Variants in TSFM observed in about 807,000 individuals in gnomAD.
The protein encoded by TSFM is elongation factor Ts, mitochondrial.
In TSFM, 29 loss-of-function variants were observed where a neutral mutation model predicts 33.4. That is an observed-to-expected ratio of 0.87 (90% CI 0.65 to 1.18). The LOEUF is 1.18. Ranked by LOEUF, TSFM falls within the 50% of genes most tolerant of loss-of-function variation. The pLI, the probability that TSFM is intolerant of heterozygous loss-of-function variation, is 0.00. For synonymous variants in TSFM, 178 were observed against 163.5 expected (o/e 1.09, Z -0.68); for missense variants, 394 against 395.6 (o/e 1.00, Z 0.04).
chr12:57,783,583 G>C, intron 2 of TSFM: 2 of 616,500 alleles, frequency 3.2e-6, no homozygotes, highest in Non-Finnish European at 6.2e-6. Context: ...CCCCCACACT[G>C]TCTGACTTTA....
Position 57,797,112 on chromosome 12 carries a change from G to C in TSFM, c.*529G>C. On this transcript the variant is annotated 3_prime_UTR_variant, in exon 6 of 6. Coordinates refer to ENST00000652027, the MANE Select transcript of TSFM (RefSeq NM_005726.6). ...GTGCTCTGCAGTGGTAGACACACTGGTTCTGGCCTCATTTAATGAAATTAA... is the reference window on the plus strand; with the variant it reads ...GTGCTCTGCAGTGGTAGACACACTGCTTCTGGCCTCATTTAATGAAATTAA... 1 of 985,414 alleles carries C rather than the reference G, an allele frequency of 1.0e-6. No homozygotes were observed. Among genetic ancestry groups the C allele is most frequent in the Non-Finnish European group, 1.2e-6 (1 of 829,950 alleles). The allele number at this position is 985,414 out of a possible 1,614,324, so 61.0% of individuals were successfully genotyped here.
downstream of TSFM, chr12:57,798,078 G>T: frequency 1.0e-6 from 1 of 966,140 alleles, no homozygotes. Context: ...GAGCAAGAGG[G>T]AGTTCTAGGT....
At chr12:57,792,085 GAT>G (rs1291997340) in intron 4 of TSFM, 1 of 192,876 alleles carries the variant, frequency 5.2e-6, no homozygotes, top group Non-Finnish European at 1.1e-5. Flanking sequence ...CACTAAAAAA[GAT>G]ATAAAAATTT....
intron 4 of TSFM, among the ~76,000 whole-genome samples, chr12:57,790,282 C>T (rs1367180956): frequency 2.0e-5 from 3 of 151,954 alleles, no homozygotes; most frequent in Admixed American, 1.3e-4. Context: ...GTTGGGCAGG[C>T]TGGTCTTGAA....
downstream of TSFM, chr12:57,798,075 A>G: frequency 1.0e-6 from 1 of 959,186 alleles, no homozygotes; most frequent in Non-Finnish European, 1.6e-6. Context: ...TTGGAGCAAG[A>G]GGGAGTTCTA....
chr12:57,797,394 C>G lies in TSFM; in HGVS notation c.*811C>G. On this transcript the variant is annotated 3_prime_UTR_variant, in exon 6 of 6. Coordinates refer to ENST00000652027, the MANE Select transcript of TSFM (RefSeq NM_005726.6). ...AACTCCATTTGTTCATTATAGGTAT[C>G]TTTATTTGAAAAGTGAAAAATGCTT... 1 of 985,352 alleles carries G rather than the reference C, an allele frequency of 1.0e-6. No homozygotes were observed. The highest frequency in any genetic ancestry group is 1.1e-4 in the East Asian group (1 of 8,822). The allele number at this position is 985,352 out of a possible 1,614,324, so 61.0% of individuals were successfully genotyped here.
chr12:57,796,791 A>T lies in TSFM; in HGVS notation c.*208A>T. ...CAAAAACAACAGGTGGGCCTTATTG[A>T]CGTGATAGTGTCGTGGAGAACAGGC... is the stretch of plus-strand genomic sequence containing the variant. On this transcript the variant is annotated 3_prime_UTR_variant, in exon 6 of 6. Transcript: ENST00000652027. 1 of 1,200,470 alleles carries T rather than the reference A, an allele frequency of 8.3e-7. No homozygotes were observed. Among genetic ancestry groups the T allele is most frequent in the Non-Finnish European group, 1.0e-6 (1 of 969,280 alleles). 74.4% of individuals were successfully genotyped at this position (1,200,470 alleles called of 1,614,324 possible). A position where few individuals can be genotyped will look rare whatever the true frequency, so the allele number is the denominator to read the frequency against.
intron 2 of TSFM, 131 bp downstream of exon 2, chr12:57,783,414 G>A: frequency 8.5e-7 from 1 of 1,182,302 alleles, no homozygotes; most frequent in Non-Finnish European, 1.3e-6. Context: ...GTGGAAATCT[G>A]GCTTAAATGA....
chr12:57,800,430 AGG>A, downstream of TSFM: 1 of 153,694 alleles, frequency 6.5e-6, no homozygotes, highest in Non-Finnish European at 1.5e-5. Context: ...TCCTGGCTAG[AGG>A]CTCCACTTCT....
chr12:57,791,964 G>T (rs1460390748), intron 4 of TSFM: 1 of 374,772 alleles, frequency 2.7e-6, no homozygotes, highest in Non-Finnish European at 5.4e-6. Context: ...TTCTTGGCCA[G>T]GTGCAGTGGC....
In TSFM at chr12:57,786,244, G is replaced by C. The variant is rs778551896; in HGVS notation, c.313G>C (p.Gly105Arg). 1 of 1,612,232 alleles carries C rather than the reference G, an allele frequency of 6.2e-7. No homozygotes were observed. The highest frequency in any genetic ancestry group is 8.5e-7 in the Non-Finnish European group (1 of 1,179,036). ...GCTCCAAGGGAGGAAGACCAAAGAA[G>C]GCCTGATTGGGCTGTTGCAGGAAGG... ...AKLQGRKTKE[G>R]LIGLLQEGNT... Residue 105 changes from glycine to arginine, a missense_variant, in exon 3 of 6, where the codon GGC becomes CGC. Physicochemically the swap from Gly to Arg is moderately radical, Grantham distance 125. This residue lies in a region of TSFM where 208 missense variants were observed against 180.4 expected (regional missense o/e 1.15). Transcript: ENST00000652027.
In TSFM at chr12:57,796,228, C is replaced by T; in HGVS notation, c.623C>T (p.Pro208Leu). 1.2e-6 allele frequency: 2 copies of T among 1,610,032 alleles called. No homozygotes were observed. The highest frequency in any genetic ancestry group is 1.7e-6 in the Non-Finnish European group (2 of 1,177,264). The change falls in exon 6 of 6, where the codon CCA (proline) becomes CTA (leucine). Residue 208 changes from proline (P) to leucine (L), a missense_variant. Pro to Leu is a moderately conservative substitution (Grantham distance 98). Coordinates refer to ENST00000652027, the MANE Select transcript of TSFM (RefSeq NM_005726.6). ...ILKRAAWVKV[P>L]SGFYVGSYVH... ...AAACGAGCTGCATGGGTGAAGGTGC[C>T]ATCTGGGTTCTACGTTGGCTCTTAT...
intron 4 of TSFM, among the ~76,000 whole-genome samples, chr12:57,790,195 G>A (rs1470091916): frequency 2.0e-5 from 3 of 150,478 alleles, no homozygotes; most frequent in African/African-American, 4.9e-5. Flanking sequence ...TCAGCCTCCC[G>A]AGTAGCTGGG....
downstream of TSFM, chr12:57,802,232 C>G (rs533368340): frequency 3.7e-6 from 6 of 1,614,186 alleles, no homozygotes; most frequent in East Asian, 1.3e-4. Flanking sequence ...GCTTAATGAT[C>G]AGGATTGGTG....
intron 2 of TSFM, chr12:57,783,493 T>A (rs1565819954): frequency 1.4e-6 from 1 of 719,154 alleles, no homozygotes; most frequent in East Asian, 2.8e-5. Context: ...ACCAGACTGT[T>A]ACGGTGTTTC....
At chr12:57,788,965 C>CTTTT (rs35955000) in intron 4 of TSFM, among the ~76,000 whole-genome samples, 1 of 136,122 alleles carries the variant, frequency 7.3e-6, no homozygotes, top group African/African-American at 2.7e-5. Flanking sequence ...TATCATCGCC[C>CTTTT]TTTTTTTTTT....
intron 4 of TSFM, among the ~76,000 whole-genome samples, chr12:57,788,449 G>A (rs1453144267): frequency 6.6e-6 from 1 of 151,812 alleles, no homozygotes; most frequent in African/African-American, 2.4e-5. Context: ...CCTAGTATTT[G>A]TATTTTTTGT....
At chr12:57,796,099 C>T in intron 5 of TSFM, 78 bp from the exon 6 acceptor site, 2 of 1,340,010 alleles carry the variant, frequency 1.5e-6, no homozygotes, top group Admixed American at 2.5e-5. Flanking sequence ...CAAACTGGGC[C>T]TCTTCTGTGC....
intron 2 of TSFM, among the ~76,000 whole-genome samples, chr12:57,785,071 C>T (rs971443670): frequency 4.6e-5 from 7 of 151,328 alleles, no homozygotes; most frequent in African/African-American, 1.7e-4. Context: ...GGACTACAGG[C>T]GCCCGCCACC....
Sources: gnomAD v4.1 joint callset for allele counts (sites outside exome capture counted in the v4.1 genomes callset) on GRCh38, gnomAD v4.1.1 for gene constraint, gnomAD v4.1.1 regional missense constraint, MANE v1.5 for transcripts, NCBI Gene and HGNC (gene_info 2026-07-23, HGNC 2026-07-21) for gene names.